Variants in DMXL1 observed in about 807,000 individuals in gnomAD.
DMXL1 encodes the protein dmX-like protein 1.
Under a neutral mutation model 319.2 loss-of-function variants are expected in DMXL1, and 99 were observed. That is an observed-to-expected ratio of 0.31 (90% CI 0.26 to 0.37). The LOEUF (loss-of-function observed/expected upper bound fraction) is 0.37, where lower values mean the gene tolerates loss of function less well. Among genes scored for constraint, DMXL1 ranks in the 10% least tolerant of loss-of-function variants. The probability of loss-of-function intolerance (pLI) is 1.00; values close to 1 mark genes in which losing one functional copy is unlikely to be tolerated. For synonymous variants in DMXL1, 1,385 were observed against 1,235.2 expected, an observed-to-expected ratio of 1.12 and a Z score of -2.54; for missense variants, 3,745 against 3,595.6, an observed-to-expected ratio of 1.04 and a Z score of -1.06.
At chr5:119,172,212 C>G (rs1319064964) in intron 25 of DMXL1, among the ~76,000 whole-genome samples, 1 of 152,130 alleles carries the variant, frequency 6.6e-6, no homozygotes, top group Non-Finnish European at 1.5e-5. Context: ...GTTATTTAGT[C>G]TAGCTGCTTT....
Position 119,150,012 on chromosome 5 carries a change from A to T in DMXL1, c.4185A>T (p.Thr1395=), listed in dbSNP as rs755730382. 6.2e-7 allele frequency: 1 copy of T among 1,613,986 alleles called. No individual in the cohort carries two copies. Among genetic ancestry groups the T allele is most frequent in the East Asian group, 2.2e-5 (1 of 44,886 alleles). Reference sequence around the variant, plus strand: ...AGGCATTCAACAAGGCTGAAAATACAGATTACACAGAAATAGATTCTGTTC... The same window carrying T: ...AGGCATTCAACAAGGCTGAAAATACTGATTACACAGAAATAGATTCTGTTC... The part of the protein sequence containing the change: ...DPQAFNKAEN[T]DYTEIDSVPP... The change falls in exon 18 of 44, where the codon ACA becomes ACT. Residue 1395 remains threonine, a synonymous_variant. Coordinates refer to ENST00000539542, the MANE Select transcript of DMXL1 (RefSeq NM_001290321.3).
At chr5:119,132,175 CTAAA>C (rs1237474650) in intron 10 of DMXL1, among the ~76,000 whole-genome samples, 2 of 151,848 alleles carry the variant, frequency 1.3e-5, no homozygotes, top group Non-Finnish European at 2.9e-5. Context: ...CCAGATCTCA[CTAAA>C]TAAGAAAAGG....
intron 27 of DMXL1, 120 bp downstream of exon 27, chr5:119,177,604 A>G (rs1776057840): frequency 1.1e-5 from 9 of 784,044 alleles, no homozygotes; most frequent in Non-Finnish European, 1.7e-5. Flanking sequence ...AATTGATACC[A>G]GTTAAGTATT....
intron 23 of DMXL1, among the ~76,000 whole-genome samples, chr5:119,169,824 C>G (rs567082193): frequency 2.0e-5 from 3 of 152,214 alleles, no homozygotes; most frequent in Admixed American, 6.5e-5. Context: ...CTAGGAGACT[C>G]TCAGTGTTCA....
At chr5:119,102,597 C>T (rs960313207) in intron 3 of DMXL1, among the ~76,000 whole-genome samples, 5 of 152,100 alleles carry the variant, frequency 3.3e-5, no homozygotes, top group African/African-American at 1.2e-4. Context: ...AGGAGGATTG[C>T]ATAAGGCCAG....
intron 13 of DMXL1, among the ~76,000 whole-genome samples, chr5:119,143,266 G>T (rs1441061281): frequency 6.6e-6 from 1 of 151,958 alleles, no homozygotes; most frequent in Non-Finnish European, 1.5e-5. Context: ...TAAAAGTAGG[G>T]TGGAAATACA....
intron 38 of DMXL1, among the ~76,000 whole-genome samples, chr5:119,225,301 G>A (rs950266660): frequency 6.6e-6 from 1 of 151,882 alleles, no homozygotes; most frequent in African/African-American, 2.4e-5. Context: ...TTCTAAGGCA[G>A]AATATATGTG....
At chr5:119,101,622 CTT>C (rs1757297856) in intron 2 of DMXL1, among the ~76,000 whole-genome samples, 1 of 152,162 alleles carries the variant, frequency 6.6e-6, no homozygotes, top group African/African-American at 2.4e-5. Flanking sequence ...TTGTATGTCA[CTT>C]ATTATATGTT....
rs190284474 is a variant in DMXL1, at chr5:119,098,756, T to G, written c.213+652T>G. 2.9e-3 allele frequency among the ~76,000 whole-genome samples: 443 copies of G among 152,308 alleles called. 3 individuals are homozygous for G. Among genetic ancestry groups the G allele is most frequent in the Non-Finnish European group, 2.3e-3 (158 of 68,022 alleles). Reference sequence around the variant, plus strand: ...TACTACTAGGCAAGGCAGCATAATATATAGCTTAAAATAACTCCATATAGG... The same window carrying G: ...TACTACTAGGCAAGGCAGCATAATAGATAGCTTAAAATAACTCCATATAGG... On this transcript the variant is annotated intron_variant, in intron 2 of 43. Transcript: ENST00000539542.
chr5:119,224,954 A>G (rs190545043), intron 38 of DMXL1, among the ~76,000 whole-genome samples, 185 bp downstream of exon 38: 17 of 152,166 alleles, frequency 1.1e-4, no homozygotes, highest in Admixed American at 3.9e-4. Context: ...ATAGAAAAAG[A>G]TATTTCCCTA....
In DMXL1 at chr5:119,170,431, G is replaced by A; in HGVS notation, c.5640G>A (p.Lys1880=). 1 of 1,613,932 alleles carries A rather than the reference G, an allele frequency of 6.2e-7. No homozygotes were observed. Among genetic ancestry groups the A allele is most frequent in the Non-Finnish European group, 8.5e-7 (1 of 1,179,932 alleles). The stretch of plus-strand genomic sequence containing the variant: ...TGTTGGCTTTGGAAGTATTATCAAA[G>A]ATGCCTAAAGTCATCAAGAAAACAA... ...CPMLALEVLS[K]MPKVIKKTRP... Residue 1880 remains lysine, a synonymous_variant, in exon 24 of 44, where the codon AAG becomes AAA. Transcript: ENST00000539542.
intron 13 of DMXL1, among the ~76,000 whole-genome samples, chr5:119,138,157 C>G (rs546160427): frequency 4.6e-5 from 7 of 152,150 alleles, no homozygotes; most frequent in African/African-American, 1.4e-4. Context: ...TAGAATATAG[C>G]AAGTGGTAAT....
intron 14 of DMXL1, 28 bp downstream of exon 14, chr5:119,143,958 T>C (rs377403528): frequency 1.1e-5 from 16 of 1,414,726 alleles, no homozygotes; most frequent in Non-Finnish European, 1.4e-5. Context: ...GGGGGAGGTA[T>C]ATTAAAAAAA....
chr5:119,111,460 T>C (rs1218738545), intron 5 of DMXL1, among the ~76,000 whole-genome samples: 1 of 152,230 alleles, frequency 6.6e-6, no homozygotes, highest in Non-Finnish European at 1.5e-5. Context: ...GTTTTAACTT[T>C]TTTTAAAAAT....
At chr5:119,107,900 C>T (rs1025971254) in intron 4 of DMXL1, among the ~76,000 whole-genome samples, 1 of 152,054 alleles carries the variant, frequency 6.6e-6, no homozygotes, top group African/African-American at 2.4e-5. Context: ...TATAGCTAAT[C>T]CTTACAACAA....
At chr5:119,226,699 C>G (rs1420121244) in intron 38 of DMXL1, among the ~76,000 whole-genome samples, 1 of 152,156 alleles carries the variant, frequency 6.6e-6, no homozygotes, top group Non-Finnish European at 1.5e-5. Context: ...TCAGACACCA[C>G]TCGCAGGTTA....
intron 9 of DMXL1, among the ~76,000 whole-genome samples, chr5:119,122,362 G>T (rs1376555141): frequency 3.4e-5 from 5 of 147,264 alleles, no homozygotes; most frequent in African/African-American, 7.6e-5. Context: ...GGGCAGAGGG[G>T]CTCCTCACTT....
chr5:119,118,740 A>G, intron 7 of DMXL1, 75 bp from the exon 8 acceptor site: 1 of 1,168,962 alleles, frequency 8.6e-7, no homozygotes, highest in Non-Finnish European at 1.2e-6. Context: ...TTAAGTAATT[A>G]CAGAAACATC....
Position 119,237,337 on chromosome 5 carries a change from G to A in DMXL1, c.8482G>A (p.Ala2828Thr). 8 of 1,591,362 alleles carry A rather than the reference G, an allele frequency of 5.0e-6. No homozygotes were observed. Among genetic ancestry groups the A allele is most frequent in the Non-Finnish European group, 6.9e-6 (8 of 1,164,148 alleles). Residue 2828 changes from alanine (A) to threonine (T), a missense_variant, in exon 40 of 44, where the codon GCT becomes ACT. Physicochemically the swap from Ala to Thr is moderately conservative, Grantham distance 58. Transcript: ENST00000539542. ...YQGNKFGIVD[A>T]DGYLSLYQTN... Reference sequence around the variant, plus strand: ...TTTCTCTAAGTTTGGAATAGTTGATGCTGATGGATATTTAAGTTTGTATCA... The same window carrying A: ...TTTCTCTAAGTTTGGAATAGTTGATACTGATGGATATTTAAGTTTGTATCA...
Sources: gnomAD v4.1 joint callset for allele counts (sites outside exome capture counted in the v4.1 genomes callset) on GRCh38, gnomAD v4.1.1 for gene constraint, MANE v1.5 for transcripts, NCBI Gene and HGNC (gene_info 2026-07-23, HGNC 2026-07-21) for gene names.